NF1: variants seen among roughly 807,000 people sequenced by gnomAD.
NF1 encodes the protein neurofibromin.
NF1 carries 122 observed loss-of-function variants against 325.7 expected under a neutral mutation model. That is an observed-to-expected ratio of 0.37 (90% CI 0.32 to 0.44). The LOEUF (loss-of-function observed/expected upper bound fraction) is 0.44. Among genes scored for constraint, NF1 ranks in the 20% least tolerant of loss-of-function variants. The pLI, the probability that NF1 is intolerant of heterozygous loss-of-function variation, is 1.00. For synonymous variants in NF1, 1,091 were observed against 1,186.0 expected (o/e 0.92, Z 1.65); for missense variants, 2,140 against 3,415.4 (o/e 0.63, Z 9.31).
chr17:31,150,199 C>CATTT (rs1315677762), intron 1 of NF1, among the ~76,000 whole-genome samples: 4 of 152,116 alleles, frequency 2.6e-5, no homozygotes, highest in Non-Finnish European at 5.9e-5. Flanking sequence ...CTGAAATGAG[C>CATTT]ATTTCCTTTG....
At chr17:31,185,620 G>A (rs1395980653) in intron 8 of NF1, among the ~76,000 whole-genome samples, 3 of 152,140 alleles carry the variant, frequency 2.0e-5, no homozygotes, top group African/African-American at 7.2e-5. Context: ...AAAAGAAAGA[G>A]GCACAATGCC....
Position 31,201,438 on chromosome 17 carries a change from A to G in NF1, c.1213A>G (p.Thr405Ala), listed in dbSNP as rs587782233. ...KICLAQNSPSTFHYVLVNSLH... is the reference protein window; with the variant it reads ...KICLAQNSPSAFHYVLVNSLH... The stretch of plus-strand genomic sequence containing the variant: ...CTGCCTGGCTCAGAATTCACCTTCT[A>G]CATTTCACTATGTGCTGGTAAATTC... The change falls in exon 11 of 58, where the codon ACA (threonine) becomes GCA (alanine). Residue 405 changes from threonine (T) to alanine (A), a missense_variant. Transcript: ENST00000358273. 7 of 1,612,178 alleles carry G rather than the reference A, an allele frequency of 4.3e-6. No homozygotes were observed. The highest frequency in any genetic ancestry group is 1.7e-6 in the Non-Finnish European group (2 of 1,179,220).
intron 57 of NF1, among the ~76,000 whole-genome samples, chr17:31,368,527 T>A (rs2070575278): frequency 6.6e-6 from 1 of 152,230 alleles, no homozygotes; most frequent in Non-Finnish European, 1.5e-5. Flanking sequence ...TGAATGTATT[T>A]ACTGTAGCTT....
chr17:31,099,840 C>T (rs1394475361), intron 1 of NF1, among the ~76,000 whole-genome samples: 1 of 151,966 alleles, frequency 6.6e-6, no homozygotes, highest in Non-Finnish European at 1.5e-5. Flanking sequence ...GGATTACAGG[C>T]GTGAGCCACC....
chr17:31,309,962 A>C (rs2068824694), intron 36 of NF1, among the ~76,000 whole-genome samples: 1 of 152,330 alleles, frequency 6.6e-6, no homozygotes, highest in Admixed American at 6.5e-5. Context: ...TAGAAACTGT[A>C]TTAGAATTCT....
At chr17:31,236,308 A>T (rs1055127747) in intron 29 of NF1, among the ~76,000 whole-genome samples, 1 of 152,026 alleles carries the variant, frequency 6.6e-6, no homozygotes, top group East Asian at 1.9e-4. Flanking sequence ...TCCTTTTTCC[A>T]TGCATTTACA....
At chr17:31,158,061 C>T (rs998741093) in intron 2 of NF1, among the ~76,000 whole-genome samples, 6 of 152,008 alleles carry the variant, frequency 3.9e-5, no homozygotes, top group Admixed American at 1.3e-4. Context: ...ATTTCTGTAT[C>T]CTTTAACAAA....
intron 12 of NF1, among the ~76,000 whole-genome samples, chr17:31,210,321 G>A (rs2143937714): frequency 6.6e-6 from 1 of 152,322 alleles, no homozygotes; most frequent in South Asian, 2.1e-4. Flanking sequence ...AGTGGCTCAT[G>A]CCTATAATAC....
intron 1 of NF1, among the ~76,000 whole-genome samples, chr17:31,097,844 G>A (rs1333250469): frequency 6.6e-6 from 1 of 151,972 alleles, no homozygotes; most frequent in Non-Finnish European, 1.5e-5. Context: ...TTACAGGTGT[G>A]CACCATCGTG....
intron 13 of NF1, among the ~76,000 whole-genome samples, chr17:31,218,181 A>C (rs2066856373): frequency 6.6e-6 from 1 of 152,168 alleles, no homozygotes; most frequent in African/African-American, 2.4e-5. Context: ...ACCTTTGATC[A>C]CAATCATGTA....
chr17:31,227,580 C>A lies in NF1; in HGVS notation c.2383C>A (p.Pro795Thr), dbSNP rs761023505. ...EQATKLILNY[P>T]KAKMEDGQAA... ...AGCAACAAAGCTAATCCTTAACTAT[C>A]CAAAAGCCAAAATGGAAGATGGCCA... The change falls in exon 20 of 58, where the codon CCA (proline) becomes ACA (threonine). Residue 795 changes from proline (P) to threonine (T), a missense_variant. Pro to Thr is a conservative substitution (Grantham distance 38). This residue lies in a region of NF1 where 380 missense variants were observed against 639.3 expected (regional missense o/e 0.59). Transcript: ENST00000358273. The A allele has an allele frequency of 1.2e-6, 2 of 1,613,778 alleles. No individual in the cohort carries two copies. Among genetic ancestry groups the A allele is most frequent in the Non-Finnish European group, 1.7e-6 (2 of 1,179,812 alleles).
chr17:31,261,140 G>T (rs1215953379), intron 34 of NF1, among the ~76,000 whole-genome samples: 1 of 151,846 alleles, frequency 6.6e-6, no homozygotes, highest in East Asian at 1.9e-4. Context: ...CTACTCGGGA[G>T]GCTGAGCCAG....
intron 8 of NF1, among the ~76,000 whole-genome samples, chr17:31,195,660 T>A (rs770075238): frequency 6.6e-6 from 1 of 152,082 alleles, no homozygotes; most frequent in Non-Finnish European, 1.5e-5. Context: ...CTTAGCATAA[T>A]GTCCTCCAGT....
At chr17:31,308,270 T>C (rs576368858) in intron 36 of NF1, among the ~76,000 whole-genome samples, 99 of 152,088 alleles carry the variant, frequency 6.5e-4, no homozygotes, top group African/African-American at 2.3e-3. Context: ...CCCGAGTAGC[T>C]GGGACTACAG....
chr17:31,154,981 C>T (rs1345969323), intron 1 of NF1, among the ~76,000 whole-genome samples: 1 of 152,072 alleles, frequency 6.6e-6, no homozygotes, highest in African/African-American at 2.4e-5. Context: ...TCGTGGTCTG[C>T]CTGACTTGGC....
chr17:31,229,778 G>A (rs2067080898), intron 21 of NF1, 57 bp from the exon 22 acceptor site: 1 of 1,600,842 alleles, frequency 6.2e-7, no homozygotes, highest in African/African-American at 1.3e-5. Context: ...ATCTCTCTAG[G>A]GGGTCTGTCT....
chr17:31,176,085 G>A (rs1338651728), intron 5 of NF1, among the ~76,000 whole-genome samples: 1 of 152,160 alleles, frequency 6.6e-6, no homozygotes. Context: ...CTAGATCCTT[G>A]AGGAATCGCC....
Position 31,305,016 on chromosome 17 carries a change from GT to G in NF1, c.4836-20797del, listed in dbSNP as rs765136869. On this transcript the variant is annotated intron_variant, in intron 36 of 57. Coordinates refer to ENST00000358273, the MANE Select transcript of NF1 (RefSeq NM_001042492.3). The stretch of plus-strand genomic sequence containing the variant: ...GTATGGCAGCTATTGAATTATAATT[GT>G]TTTTTTGTGGGGTTTGTTTGTTACT... 59 of 1,613,920 alleles carry G rather than the reference GT, an allele frequency of 3.7e-5. No homozygotes were observed. The highest frequency in any genetic ancestry group is 2.7e-4 in the Admixed American group (16 of 59,986).
intron 1 of NF1, among the ~76,000 whole-genome samples, chr17:31,128,819 G>T (rs1181255007): frequency 6.6e-6 from 1 of 152,016 alleles, no homozygotes; most frequent in East Asian, 1.9e-4. Flanking sequence ...CTACTCGGGA[G>T]CCTGAGGCAG....
Sources: allele counts gnomAD v4.1 joint callset (sites outside exome capture counted in the v4.1 genomes callset), GRCh38; gene constraint gnomAD v4.1.1; regional missense constraint gnomAD v4.1.1; transcripts MANE v1.5; gene names NCBI Gene and HGNC (gene_info 2026-07-23, HGNC 2026-07-21).